Variants in RSRC1 observed in about 807,000 individuals in gnomAD.
The protein encoded by RSRC1 is arginine and serine rich coiled-coil 1.
In RSRC1, 39 loss-of-function variants were observed where a neutral mutation model predicts 49.1. The observed-to-expected ratio is 0.79, with a 90% CI of 0.61 to 1.04. The LOEUF (loss-of-function observed/expected upper bound fraction) is 1.04. Among genes scored for constraint, RSRC1 ranks in the 50% least tolerant of loss-of-function variants. The probability of loss-of-function intolerance (pLI) is 0.00; values close to 1 mark genes in which losing one functional copy is unlikely to be tolerated. For missense variants in RSRC1, 388 were observed against 402.4 expected, an observed-to-expected ratio of 0.96 and a Z score of 0.31; for synonymous variants, 143 against 130.8, an observed-to-expected ratio of 1.09 and a Z score of -0.63.
intron 3 of RSRC1, among the ~76,000 whole-genome samples, chr3:158,176,534 A>G (rs551504672): frequency 1.3e-5 from 2 of 152,332 alleles, no homozygotes; most frequent in East Asian, 3.9e-4. Flanking sequence ...AAGCCTGACA[A>G]ATACAAGGGG....
In RSRC1 at chr3:158,424,948, C is replaced by T. The variant is rs370885161; in HGVS notation, c.584-35987C>T. Among the ~76,000 whole-genome samples, 35 of 150,760 alleles carry T rather than the reference C, an allele frequency of 2.3e-4. 1 individual carries two copies. In the South Asian group the frequency reaches 4.2e-3, roughly 18 times the overall value. On this transcript the variant is annotated intron_variant, in intron 6 of 9. Coordinates refer to ENST00000611884, the MANE Select transcript of RSRC1 (RefSeq NM_001271838.2). ...ATATCCCCTTTATCATTTTTTATTGCGTCTATTTGATTCTTCTCTCTTTTT... is the reference window on the plus strand; with the variant it reads ...ATATCCCCTTTATCATTTTTTATTGTGTCTATTTGATTCTTCTCTCTTTTT...
intron 6 of RSRC1, among the ~76,000 whole-genome samples, chr3:158,380,787 C>T (rs1337833421): frequency 6.6e-6 from 1 of 151,896 alleles, no homozygotes; most frequent in Non-Finnish European, 1.5e-5. Context: ...ATAAAGATTG[C>T]TTATTTTTGA....
intron 6 of RSRC1, among the ~76,000 whole-genome samples, chr3:158,451,693 C>T (rs1204655780): frequency 6.6e-6 from 1 of 152,006 alleles, no homozygotes; most frequent in Admixed American, 6.6e-5. Context: ...ACTTTCTTAA[C>T]TGGAGGAACT....
chr3:158,361,823 C>G (rs1252997938), intron 6 of RSRC1, among the ~76,000 whole-genome samples: 2 of 152,078 alleles, frequency 1.3e-5, no homozygotes, highest in African/African-American at 4.8e-5. Context: ...TCTTCCTTTT[C>G]CCCCTCTCCA....
At chr3:158,457,871 C>A (rs1210958887) in intron 6 of RSRC1, among the ~76,000 whole-genome samples, 1 of 151,524 alleles carries the variant, frequency 6.6e-6, no homozygotes, top group African/African-American at 2.4e-5. Context: ...CAAGAAAAGG[C>A]AGTAGCTTGG....
intron 4 of RSRC1, among the ~76,000 whole-genome samples, chr3:158,278,415 G>A (rs1368011189): frequency 1.3e-5 from 2 of 152,172 alleles, no homozygotes; most frequent in African/African-American, 2.4e-5. Context: ...ACATCAGGTT[G>A]TACTGAATGA....
chr3:158,366,673 C>T (rs901193307), intron 6 of RSRC1, among the ~76,000 whole-genome samples: 4 of 151,982 alleles, frequency 2.6e-5, no homozygotes, highest in Middle Eastern at 6.8e-3. Flanking sequence ...TAGTTTTTTC[C>T]AATTCTGTGA....
intron 8 of RSRC1, among the ~76,000 whole-genome samples, chr3:158,540,444 C>T (rs1234672955): frequency 3.3e-5 from 5 of 152,150 alleles, no homozygotes; most frequent in African/African-American, 1.2e-4. Flanking sequence ...CCTAAACATA[C>T]ATGACTGCCC....
intron 3 of RSRC1, among the ~76,000 whole-genome samples, chr3:158,134,439 T>G (rs1716232230): frequency 6.6e-6 from 1 of 152,164 alleles, no homozygotes; most frequent in Non-Finnish European, 1.5e-5. Flanking sequence ...TAAATAGTAT[T>G]TTACTATCAG....
intron 6 of RSRC1, among the ~76,000 whole-genome samples, chr3:158,380,985 T>C (rs887981814): frequency 1.3e-5 from 2 of 152,196 alleles, no homozygotes; most frequent in Non-Finnish European, 2.9e-5. Context: ...GTCTGTAGAT[T>C]TGTGACAATT....
intron 6 of RSRC1, among the ~76,000 whole-genome samples, chr3:158,444,715 A>G (rs1343230048): frequency 6.6e-6 from 1 of 152,204 alleles, no homozygotes; most frequent in Non-Finnish European, 1.5e-5. Flanking sequence ...ATCAGAGTGA[A>G]CAGGCAACCT....
intron 6 of RSRC1, among the ~76,000 whole-genome samples, chr3:158,407,220 C>T (rs746828898): frequency 1.3e-5 from 2 of 152,086 alleles, no homozygotes; most frequent in Non-Finnish European, 2.9e-5. Flanking sequence ...AAAATTTAAA[C>T]ATATTTGCCA....
intron 3 of RSRC1, among the ~76,000 whole-genome samples, chr3:158,176,685 TAA>T (rs1236794576): frequency 6.6e-6 from 1 of 152,050 alleles, no homozygotes; most frequent in Admixed American, 6.5e-5. Context: ...CCTAAAACCA[TAA>T]AAACCCTAGA....
At chr3:158,229,211 T>C (rs1038135581) in intron 4 of RSRC1, among the ~76,000 whole-genome samples, 1 of 150,574 alleles carries the variant, frequency 6.6e-6, no homozygotes, top group African/African-American at 2.5e-5. Context: ...TGTATATATG[T>C]ATACACACAT....
At chr3:158,450,709 A>G (rs1012411102) in intron 6 of RSRC1, among the ~76,000 whole-genome samples, 4 of 151,976 alleles carry the variant, frequency 2.6e-5, no homozygotes, top group Non-Finnish European at 5.9e-5. Context: ...GATAATTATT[A>G]CTAATGAGTT....
At chr3:158,466,502 A>G (rs547519894) in intron 7 of RSRC1, among the ~76,000 whole-genome samples, 1 of 152,316 alleles carries the variant, frequency 6.6e-6, no homozygotes, top group South Asian at 2.1e-4. Flanking sequence ...TAGGAAGCTG[A>G]CATACATATT....
At chr3:158,531,238 TACTC>T (rs1440769098) in intron 7 of RSRC1, among the ~76,000 whole-genome samples, 1 of 151,814 alleles carries the variant, frequency 6.6e-6, no homozygotes, top group Non-Finnish European at 1.5e-5. Flanking sequence ...GAGGCCCTTT[TACTC>T]ACAGGTGGCA....
intron 5 of RSRC1, among the ~76,000 whole-genome samples, chr3:158,338,386 A>G (rs539990515): frequency 2.0e-4 from 30 of 152,282 alleles, no homozygotes; most frequent in African/African-American, 6.5e-4. Context: ...TCTACTTTTG[A>G]GCTATTTGTA....
intron 5 of RSRC1, among the ~76,000 whole-genome samples, chr3:158,337,283 A>T (rs948879570): frequency 6.6e-5 from 10 of 152,332 alleles, no homozygotes; most frequent in African/African-American, 1.9e-4. Context: ...GACATTCATC[A>T]TCTGCACTTC....
Sources: gnomAD v4.1 joint callset for allele counts (sites outside exome capture counted in the v4.1 genomes callset) on GRCh38, gnomAD v4.1.1 for gene constraint, MANE v1.5 for transcripts, NCBI Gene and HGNC (gene_info 2026-07-23, HGNC 2026-07-21) for gene names.